Variants in EVC observed in about 807,000 individuals in gnomAD.
EVC encodes evC complex member EVC.
In EVC, 116 loss-of-function variants were observed where a neutral mutation model predicts 118.9. The ratio of observed to expected loss-of-function variants is 0.98; its 90% CI spans 0.84 to 1.14. The LOEUF (loss-of-function observed/expected upper bound fraction) is 1.14. EVC is among the 50% of genes most tolerant of loss of function. EVC has a pLI of 0.00. For missense variants in EVC, 1,401 were observed against 1,246.4 expected, an observed-to-expected ratio of 1.12 and a Z score of -1.87; for synonymous variants, 619 against 534.7, an observed-to-expected ratio of 1.16 and a Z score of -2.18.
In EVC at chr4:5,783,785, A is replaced by G. The variant is rs540380024; in HGVS notation, c.1776+21A>G. ...AGCAGGTGCGGGCATTTGGGAACCC[A>G]GGGGCTGGGGTCTGCATTTTAGAAA... On this transcript the variant is annotated intron_variant, in intron 12 of 20. Coordinates refer to ENST00000264956, the MANE Select transcript of EVC (RefSeq NM_153717.3). 3.9e-4 allele frequency: 617 copies of G among 1,588,668 alleles called. 10 individuals carry two copies. The South Asian group carries it at 6.4e-3, about 17-fold the overall frequency.
intron 2 of EVC, among the ~76,000 whole-genome samples, chr4:5,724,535 CT>C (rs1400655584): frequency 9.9e-5 from 15 of 152,196 alleles, no homozygotes; most frequent in Admixed American, 2.6e-4. Context: ...GCCAGCAAAG[CT>C]GAGTTCAGAT....
intron 1 of EVC, among the ~76,000 whole-genome samples, chr4:5,718,498 C>T (rs1474216018): frequency 5.3e-5 from 8 of 151,904 alleles, no homozygotes; most frequent in Admixed American, 1.3e-4. Context: ...GTAAAGTCAC[C>T]GAGAAAAAGC....
At chr4:5,735,579 T>G (rs74907696) in intron 5 of EVC, among the ~76,000 whole-genome samples, 20,408 of 152,216 alleles carry the variant, frequency 0.13, 1,720 homozygotes, top group East Asian at 0.27. Context: ...CAGCAGTGAT[T>G]ATTCTGCACG....
chr4:5,732,344 C>G (rs1381500541), intron 4 of EVC, among the ~76,000 whole-genome samples: 3 of 152,224 alleles, frequency 2.0e-5, no homozygotes, highest in South Asian at 4.1e-4. Flanking sequence ...ACAGCCTCTG[C>G]TCAGAGTTGC....
At position 5,779,903 on chromosome 4, in the gene EVC, C is replaced by T. The variant is rs577363440; in HGVS notation, c.1564-3649C>T. ...GTTGAATAGGAGTGGTGAGAGAGGG[C>T]ATCCCTGTCTTGTGCCAGTTTTCAA... On this transcript the variant is annotated intron_variant, in intron 11 of 20. Transcript: ENST00000264956. 1.4e-3 allele frequency among the ~76,000 whole-genome samples: 207 copies of T among 149,358 alleles called. 1 individual carries two copies. In the Middle Eastern group the frequency reaches 0.027, roughly 20 times the overall value.
intron 5 of EVC, among the ~76,000 whole-genome samples, chr4:5,735,765 G>C (rs1727565438): frequency 6.6e-6 from 1 of 152,164 alleles, no homozygotes. Flanking sequence ...GCCCCTGCAT[G>C]CCCAGGTGTG....
Position 5,742,512 on chromosome 4 carries a change from T to G in EVC, c.801+698T>G, listed in dbSNP as rs1728755398. On this transcript the variant is annotated intron_variant, in intron 6 of 20. Transcript: ENST00000264956. This position sits in a 1 kb window ranked among gnomAD's most constrained non-coding sequence, Gnocchi z 5.2. ...GTTCTCTTCTTCATCATGTCATTGT[T>G]GTCATCACCATAAACACCATCATCT... 6.6e-6 allele frequency among the ~76,000 whole-genome samples: 1 copy of G among 152,130 alleles called. No individual in the cohort carries two copies. Among genetic ancestry groups the G allele is most frequent in the Non-Finnish European group, 1.5e-5 (1 of 68,018 alleles).
intron 5 of EVC, among the ~76,000 whole-genome samples, chr4:5,740,470 C>CAAAAAAA (rs59318619): frequency 9.5e-6 from 1 of 105,564 alleles, no homozygotes; most frequent in Non-Finnish European, 2.0e-5. Context: ...TACTCCATCT[C>CAAAAAAA]AAAAAAAAAA....
intron 2 of EVC, among the ~76,000 whole-genome samples, chr4:5,723,057 T>G (rs781674092): frequency 6.6e-5 from 10 of 152,176 alleles, no homozygotes; most frequent in African/African-American, 9.7e-5. Flanking sequence ...GGGGTTGCAG[T>G]CTGCAGGTAG....
chr4:5,722,944 T>G (rs1725203348), intron 2 of EVC, among the ~76,000 whole-genome samples: 1 of 152,188 alleles, frequency 6.6e-6, no homozygotes, highest in Non-Finnish European at 1.5e-5. Flanking sequence ...GTGGCTCCTG[T>G]TCAGGTAGCA....
intron 12 of EVC, among the ~76,000 whole-genome samples, chr4:5,784,046 T>C (rs1736052183): frequency 6.6e-6 from 1 of 151,904 alleles, no homozygotes; most frequent in African/African-American, 2.4e-5. Flanking sequence ...GCCAACCAAA[T>C]GGCAGGAAGG....
chr4:5,803,112 C>T (rs573005916), intron 16 of EVC, among the ~76,000 whole-genome samples: 2 of 152,212 alleles, frequency 1.3e-5, no homozygotes, highest in African/African-American at 4.8e-5. Context: ...ACAGTATCCC[C>T]AGTTCCAGTA....
At chr4:5,804,056 G>C (rs527614705) in intron 16 of EVC, among the ~76,000 whole-genome samples, 64 of 151,590 alleles carry the variant, frequency 4.2e-4, no homozygotes, top group African/African-American at 1.5e-3. Context: ...TTCTCCCTCA[G>C]CCTCCCAAGT....
rs1731177240 is a variant in EVC at position 5,756,385 on chromosome 4, A to G, written c.1563+23A>G. 1 of 1,574,788 alleles carries G rather than the reference A, an allele frequency of 6.4e-7. No individual in the cohort carries two copies. The highest frequency in any genetic ancestry group is 1.1e-5 in the South Asian group (1 of 87,194). On this transcript the variant is annotated intron_variant, in intron 11 of 20. Transcript: ENST00000264956. This position sits in a 1 kb window ranked among gnomAD's most constrained non-coding sequence, Gnocchi z 4.2. Reference sequence around the variant, plus strand: ...CAGGTACATGGCCTCTGTGGGGACCAGCAGAGAAGCCCCAGGGTCTGTGTG... The same window carrying G: ...CAGGTACATGGCCTCTGTGGGGACCGGCAGAGAAGCCCCAGGGTCTGTGTG...
chr4:5,797,299 C>T, intron 14 of EVC, 67 bp downstream of exon 14: 1 of 1,372,222 alleles, frequency 7.3e-7, no homozygotes, highest in Non-Finnish European at 1.0e-6. Flanking sequence ...CCCCAGCTTC[C>T]AGCAGGTTTG....
At chr4:5,810,478 T>C in intron 20 of EVC, 28 bp downstream of exon 20, 1 of 1,561,720 alleles carries the variant, frequency 6.4e-7, no homozygotes, top group Non-Finnish European at 8.7e-7. Context: ...ACCTGTTGCC[T>C]GTGGCTGGGT....
At chr4:5,748,350 T>A in intron 8 of EVC, 44 bp downstream of exon 8, 1 of 1,607,192 alleles carries the variant, frequency 6.2e-7, no homozygotes, top group Non-Finnish European at 8.5e-7. Context: ...ATATTCAGAC[T>A]AGAGATATGG....
intron 1 of EVC, among the ~76,000 whole-genome samples, chr4:5,715,860 C>T (rs1161964011): frequency 2.0e-5 from 3 of 151,374 alleles, no homozygotes; most frequent in Non-Finnish European, 4.4e-5. Flanking sequence ...TCTTCTGCCT[C>T]AGCCTCCTGA....
chr4:5,758,944 C>T (rs1043801644), intron 11 of EVC, among the ~76,000 whole-genome samples: 2 of 152,046 alleles, frequency 1.3e-5, no homozygotes, highest in African/African-American at 4.8e-5. Flanking sequence ...GACAGGATGC[C>T]CTGGGAGATG....
Sources: allele counts gnomAD v4.1 joint callset (sites outside exome capture counted in the v4.1 genomes callset), GRCh38; gene constraint gnomAD v4.1.1; non-coding constraint Gnocchi (gnomAD v3.1); transcripts MANE v1.5; gene names NCBI Gene and HGNC (gene_info 2026-07-23, HGNC 2026-07-21).